The following RGS6 variants were observed in gnomAD, a reference collection of about 807,000 sequenced individuals.
RGS6 encodes the protein regulator of G-protein signaling 6.
A neutral mutation model predicts 78.5 loss-of-function variants in RGS6; 30 were observed. That is an observed-to-expected ratio of 0.38 (90% confidence interval 0.29 to 0.52). The LOEUF (loss-of-function observed/expected upper bound fraction) is 0.52. RGS6 is among the 20% of genes least tolerant of loss of function. The pLI, the probability that RGS6 is intolerant of heterozygous loss-of-function variation, is 0.85. For missense variants in RGS6, 495 were observed against 609.7 expected (o/e 0.81, Z 1.98); for synonymous variants, 206 against 206.0 (o/e 1.00, Z 0.00).
chr14:72,392,854 A>G (rs762388726), intron 3 of RGS6, among the ~76,000 whole-genome samples: 8 of 151,884 alleles, frequency 5.3e-5, no homozygotes, highest in Non-Finnish European at 1.0e-4. Context: ...CAGCCTCTCC[A>G]CCCCACACAC....
chr14:72,004,042 C>T (rs149190215), intron 2 of RGS6, among the ~76,000 whole-genome samples: 1 of 152,272 alleles, frequency 6.6e-6, no homozygotes, highest in East Asian at 1.9e-4. Flanking sequence ...AATACTACGC[C>T]TGATTTAATT....
rs1378390416 is a variant in RGS6 at position 72,144,089 on chromosome 14, A to G, written c.84+179214A>G. Among the ~76,000 whole-genome samples, 4 of 152,338 alleles carry G rather than the reference A, an allele frequency of 2.6e-5. No homozygotes were observed. The East Asian group carries it at 7.7e-4, about 29-fold the overall frequency. ...CTGAATCTTGAAAGAATGATGCCCC[A>G]AGACCAGATCATTTAACCATTATGT... is the stretch of plus-strand genomic sequence containing the variant. On this transcript the variant is annotated intron_variant, in intron 2 of 17. Coordinates refer to ENST00000553525, the MANE Select transcript of RGS6 (RefSeq NM_001204424.2).
intron 2 of RGS6, among the ~76,000 whole-genome samples, chr14:72,169,620 T>A (rs550034924): frequency 2.2e-4 from 34 of 152,188 alleles, no homozygotes; most frequent in Non-Finnish European, 4.1e-4. Flanking sequence ...TTTCTTTTCT[T>A]ATCGTGGCAG....
At chr14:71,968,836 T>A (rs1002841781) in intron 2 of RGS6, among the ~76,000 whole-genome samples, 11 of 152,208 alleles carry the variant, frequency 7.2e-5, no homozygotes, top group Non-Finnish European at 1.6e-4. Flanking sequence ...TATTGATTTT[T>A]AAAAAATACT....
rs918013772 is a variant in RGS6 at position 72,093,387 on chromosome 14, T to G, written c.84+128512T>G. Among the ~76,000 whole-genome samples, 10 of 152,016 alleles carry G rather than the reference T, an allele frequency of 6.6e-5. 1 individual carries two copies. The highest frequency in any genetic ancestry group is 2.2e-4 in the African/African-American group (9 of 41,462). ...CCTCTTGAGTAGCTGGGACTAAAGGTGCATGCCACCACGCCCACCTAATTT... is the reference window on the plus strand; with the variant it reads ...CCTCTTGAGTAGCTGGGACTAAAGGGGCATGCCACCACGCCCACCTAATTT... On this transcript the variant is annotated intron_variant, in intron 2 of 17. Transcript: ENST00000553525.
the RGS6 span, among the ~76,000 whole-genome samples, chr14:71,872,237 A>C: frequency 6.6e-6 from 1 of 152,174 alleles, no homozygotes; most frequent in African/African-American, 2.4e-5. Flanking sequence ...CATCCACAGG[A>C]TCAGATAAAA....
At chr14:72,043,410 T>G (rs1458871935) in intron 2 of RGS6, among the ~76,000 whole-genome samples, 1 of 152,194 alleles carries the variant, frequency 6.6e-6, no homozygotes, top group African/African-American at 2.4e-5. Flanking sequence ...TTAACATTTT[T>G]TTGATGGGCA....
At chr14:72,051,556 T>C (rs1427716506) in intron 2 of RGS6, among the ~76,000 whole-genome samples, 1 of 152,198 alleles carries the variant, frequency 6.6e-6, no homozygotes, top group African/African-American at 2.4e-5. Flanking sequence ...AGTCTGCACC[T>C]GCAAAGGAAA....
intron 17 of RGS6, among the ~76,000 whole-genome samples, chr14:72,547,941 T>C (rs545798176): frequency 4.1e-4 from 62 of 152,246 alleles, no homozygotes; most frequent in African/African-American, 1.5e-3. Flanking sequence ...CTCCAGAAAA[T>C]ACTCATATGT....
chr14:72,552,859 A>G (rs1331716681), intron 17 of RGS6: 1 of 152,022 alleles, frequency 6.6e-6, no homozygotes, highest in Non-Finnish European at 1.5e-5. Flanking sequence ...TTCATGGGGG[A>G]GAATTCCATT....
chr14:72,437,955 A>G (rs1331304802), intron 3 of RGS6, among the ~76,000 whole-genome samples: 1 of 152,248 alleles, frequency 6.6e-6, no homozygotes, highest in African/African-American at 2.4e-5. Context: ...GAGAACACAG[A>G]CATTTTTAGC....
chr14:72,429,900 G>T (rs1364689118), intron 3 of RGS6, among the ~76,000 whole-genome samples: 1 of 152,116 alleles, frequency 6.6e-6, no homozygotes, highest in Non-Finnish European at 1.5e-5. Context: ...GAGATCTGAT[G>T]GTTTTACAAA....
At chr14:72,445,174 G>A (rs1199301386) in intron 3 of RGS6, among the ~76,000 whole-genome samples, 1 of 152,328 alleles carries the variant, frequency 6.6e-6, no homozygotes, top group East Asian at 1.9e-4. Flanking sequence ...AATTTGTTGA[G>A]ATTTCTCTGT....
intron 2 of RGS6, among the ~76,000 whole-genome samples, chr14:72,266,107 C>T (rs2059029182): frequency 6.6e-6 from 1 of 152,160 alleles, no homozygotes; most frequent in African/African-American, 2.4e-5. Flanking sequence ...CCGGACTCAG[C>T]TGGGAAATTC....
Position 72,565,635 on chromosome 14 carries a change from TGA to T in RGS6, c.*3170_*3171del, listed in dbSNP as rs1322709227. On this transcript the variant is annotated 3_prime_UTR_variant, in exon 18 of 18. Coordinates refer to ENST00000553525, the MANE Select transcript of RGS6 (RefSeq NM_001204424.2). ...TCCTGGGAGGGACCTCTTGCGACTC[TGA>T]GTTGCAGCTTGGACTAGCTGAACAC... The T allele has an allele frequency of 2.0e-5, 3 of 151,212 alleles. No individual in the cohort carries two copies. Among genetic ancestry groups the T allele is most frequent in the Non-Finnish European group, 4.4e-5 (3 of 68,046 alleles). The allele number at this position is 151,212 out of a possible 1,614,324, so 9.4% of individuals were successfully genotyped here. A position where few individuals can be genotyped will look rare whatever the true frequency, so the allele number is the denominator to read the frequency against.
intron 1 of RGS6, among the ~76,000 whole-genome samples, chr14:71,955,374 G>C (rs918714926): frequency 5.9e-5 from 9 of 152,134 alleles, no homozygotes; most frequent in African/African-American, 2.2e-4. Context: ...CCCAAGAGAG[G>C]GTTCTTGGAT....
At chr14:72,198,344 C>T (rs1199801171) in intron 2 of RGS6, among the ~76,000 whole-genome samples, 1 of 152,190 alleles carries the variant, frequency 6.6e-6, no homozygotes, top group Non-Finnish European at 1.5e-5. Context: ...AGAGCAAAAC[C>T]TTGTCTAAAA....
intron 2 of RGS6, among the ~76,000 whole-genome samples, chr14:72,067,695 AAAAT>A (rs1369087803): frequency 6.6e-6 from 1 of 152,218 alleles, no homozygotes; most frequent in Non-Finnish European, 1.5e-5. Context: ...AAAATAAAAT[AAAAT>A]AAAGTTTATT....
At chr14:72,185,479 A>T (rs2097228508) in intron 2 of RGS6, among the ~76,000 whole-genome samples, 1 of 152,198 alleles carries the variant, frequency 6.6e-6, no homozygotes, top group African/African-American at 2.4e-5. Flanking sequence ...GGTTATATCC[A>T]AGTCCTCTCA....
Sources: gnomAD v4.1 joint callset for allele counts (sites outside exome capture counted in the v4.1 genomes callset) on GRCh38, gnomAD v4.1.1 for gene constraint, MANE v1.5 for transcripts, NCBI Gene and HGNC (gene_info 2026-07-23, HGNC 2026-07-21) for gene names.